NMUR1: variants seen among roughly 807,000 people sequenced by gnomAD.
NMUR1 encodes neuromedin-U receptor 1.
In NMUR1, 16 loss-of-function variants were observed where a neutral mutation model predicts 18.8. That is an observed-to-expected ratio of 0.85 (90% CI 0.58 to 1.29). The LOEUF is 1.29. Among genes scored for constraint, NMUR1 ranks in the 50% most tolerant of loss-of-function variants. The probability of loss-of-function intolerance (pLI) is 0.00; values close to 1 mark genes in which losing one functional copy is unlikely to be tolerated. For missense variants in NMUR1, 529 were observed against 580.3 expected (o/e 0.91, Z 0.91); for synonymous variants, 258 against 258.2 (o/e 1.00, Z 0.01).
rs1381379203 is a variant in NMUR1 at position 231,528,614 on chromosome 2, A to C, written c.407T>G (p.Phe136Cys). Residue 136 changes from phenylalanine to cysteine, a missense_variant, in exon 2 of 3, where the codon TTC (phenylalanine) becomes TGC (cysteine). Phe to Cys is a radical substitution (Grantham distance 205). Transcript: ENST00000305141. ...GACCATCTCAAACAGTAGCGTGCGG[A>C]AATAGCAGCCACCAACGCCCAGCAG... ...PFLLGVGGCYFRTLLFEMVCL... is the reference protein window; with the variant it reads ...PFLLGVGGCYCRTLLFEMVCL... The C allele has an allele frequency of 6.2e-7, 1 of 1,614,098 alleles. No homozygotes were observed. The highest frequency in any genetic ancestry group is 1.3e-5 in the African/African-American group (1 of 74,956).
Position 231,528,200 on chromosome 2 carries a change from G to A in NMUR1, c.821C>T (p.Ser274Phe), listed in dbSNP as rs749642766. The change falls in exon 2 of 3, where the codon TCT (serine) becomes TTT (phenylalanine). Residue 274 changes from serine to phenylalanine, a missense_variant. Ser to Phe is a radical substitution (Grantham distance 155). Transcript: ENST00000305141. ...GGTGTATCTGGACCTGGCTGCTGCA[G>A]AGCCCCTGCCCTTGGCCTCCTGCAT... ...LLMQEAKGRG[S>F]AAARSRYTCR... 1 of 1,608,220 alleles carries A rather than the reference G, an allele frequency of 6.2e-7. No individual in the cohort carries two copies. Among genetic ancestry groups the A allele is most frequent in the Non-Finnish European group, 8.5e-7 (1 of 1,177,292 alleles).
intron 1 of NMUR1, among the ~76,000 whole-genome samples, chr2:231,530,025 C>G (rs2047398934): frequency 6.6e-6 from 1 of 152,254 alleles, no homozygotes; most frequent in Non-Finnish European, 1.5e-5. Flanking sequence ...GGTTCCCTCT[C>G]CTCTATTGAG....
At chr2:231,521,051 G>A (rs553849894), downstream of NMUR1, among the ~76,000 whole-genome samples, 4 of 152,282 alleles carry the variant, frequency 2.6e-5, no homozygotes, top group Non-Finnish European at 5.9e-5. Flanking sequence ...GGAGAAAGCC[G>A]TCTAGAACCT....
chr2:231,524,217 G>C lies in NMUR1; in HGVS notation c.*826C>G, dbSNP rs1224743035. On this transcript the variant is annotated 3_prime_UTR_variant, in exon 3 of 3. Coordinates refer to ENST00000305141, the MANE Select transcript of NMUR1 (RefSeq NM_006056.5). Reference sequence around the variant, plus strand: ...CAAAGCATGACACTGTGGAAAGCCAGCGCCTCTTTCATTTTTCAGGCAAGG... The same window carrying C: ...CAAAGCATGACACTGTGGAAAGCCACCGCCTCTTTCATTTTTCAGGCAAGG... The C allele has an allele frequency of 1.3e-5, 2 of 152,270 alleles. No individual in the cohort carries two copies. Among genetic ancestry groups the C allele is most frequent in the Admixed American group, 1.3e-4 (2 of 15,274 alleles). 9.4% of individuals were successfully genotyped at this position (152,270 alleles called of 1,614,324 possible).
Position 231,528,389 on chromosome 2 carries a change from C to A in NMUR1, c.632G>T (p.Gly211Val), listed in dbSNP as rs769745265. ...GIRQLHVPCR[G>V]PVPDSAVCML... Reference sequence around the variant, plus strand: ...GCAAACAGCTGAGTCTGGCACTGGGCCCCGGCAGGGCACGTGCAGCTGCCG... The same window carrying A: ...GCAAACAGCTGAGTCTGGCACTGGGACCCGGCAGGGCACGTGCAGCTGCCG... Residue 211 changes from glycine to valine, a missense_variant, in exon 2 of 3, where the codon GGC becomes GTC. By Grantham distance (109) the Gly-to-Val change is moderately radical. Coordinates refer to ENST00000305141, the MANE Select transcript of NMUR1 (RefSeq NM_006056.5). 3.7e-6 allele frequency: 6 copies of A among 1,613,586 alleles called. No homozygotes were observed. The African/African-American group carries it at 4.0e-5, about 11-fold the overall frequency.
At position 231,528,869 on chromosome 2, in the gene NMUR1, T is replaced by G. The variant is rs781706402; in HGVS notation, c.152A>C (p.Tyr51Ser). Reference sequence around the variant, plus strand: ...CAGCTCTGTCTGCTGGGGCCCCAGGTACTTGAGTCTCAGTGCCTCGTCAGT... The same window carrying G: ...CAGCTCTGTCTGCTGGGGCCCCAGGGACTTGAGTCTCAGTGCCTCGTCAGT... ...NLTDEALRLK[Y>S]LGPQQTELFM... Residue 51 changes from tyrosine to serine, a missense_variant, in exon 2 of 3, where the codon TAC becomes TCC. Physicochemically the swap from Tyr to Ser is moderately radical, Grantham distance 144 (BLOSUM62 -2). Coordinates refer to ENST00000305141, the MANE Select transcript of NMUR1 (RefSeq NM_006056.5). The G allele has an allele frequency of 1.2e-6, 2 of 1,614,178 alleles. No homozygotes were observed. Among genetic ancestry groups the G allele is most frequent in the Non-Finnish European group, 1.7e-6 (2 of 1,180,030 alleles).
chr2:231,519,215 A>C (rs1258020021), downstream of NMUR1, among the ~76,000 whole-genome samples: 1 of 152,198 alleles, frequency 6.6e-6, no homozygotes, highest in Non-Finnish European at 1.5e-5. Context: ...TGGATGTTCC[A>C]TAGGATGTGG....
downstream of NMUR1, chr2:231,523,072 G>C (rs569805912): frequency 3.2e-6 from 1 of 316,264 alleles, no homozygotes; most frequent in African/African-American, 2.1e-5. Flanking sequence ...CGTGAGCTTG[G>C]ATAGAACATC....
At chr2:231,525,848 A>G (rs778758984) in intron 2 of NMUR1, among the ~76,000 whole-genome samples, 9 of 152,210 alleles carry the variant, frequency 5.9e-5, no homozygotes, top group Non-Finnish European at 1.2e-4. Flanking sequence ...AAGTACAGAA[A>G]AGAAGAATGG....
At chr2:231,520,407 C>T (rs1175828130), downstream of NMUR1, among the ~76,000 whole-genome samples, 3 of 152,200 alleles carry the variant, frequency 2.0e-5, no homozygotes, top group South Asian at 2.1e-4. Context: ...ACAGGTCCCA[C>T]GTTGGGTCAC....
Position 231,525,072 on chromosome 2 carries a change from C to A in NMUR1, c.1252G>T (p.Glu418Ter), listed in dbSNP as rs1188810540. The part of the protein sequence containing the change: ...VHPLAGNDGP[E>*]AQQETDPS ...GATGGATCGGTCTCTTGCTGCGCCT[C>A]TGGGCCATCGTTCCCAGCCAGGGGG... Residue 418 changes from glutamate to a stop codon, truncating the protein, a stop_gained, in exon 3 of 3, where the codon GAG (glutamate) becomes TAG (stop). Coordinates refer to ENST00000305141, the MANE Select transcript of NMUR1 (RefSeq NM_006056.5). LOFTEE classifies it high-confidence loss of function. 6.3e-7 allele frequency: 1 copy of A among 1,597,190 alleles called. No homozygotes were observed. Among genetic ancestry groups the A allele is most frequent in the Non-Finnish European group, 8.5e-7 (1 of 1,171,516 alleles).
chr2:231,530,252 C>G, intron 1 of NMUR1, 107 bp downstream of exon 1: 1 of 1,315,932 alleles, frequency 7.6e-7, no homozygotes, highest in Non-Finnish European at 1.0e-6. Context: ...GGACGGGGGG[C>G]ACCCCGACGG....
At position 231,528,474 on chromosome 2, in the gene NMUR1, C is replaced by T; in HGVS notation, c.547G>A (p.Gly183Arg). The stretch of plus-strand genomic sequence containing the variant: ...AGCATGGCAAGACCCCAGACGGCCC[C>T]AAGCACTCGGCGCACATGGGCCCGC... ...VTRAHVRRVL[G>R]AVWGLAMLCS... The change falls in exon 2 of 3, where the codon GGG (glycine) becomes AGG (arginine). Residue 183 changes from glycine (G) to arginine (R), a missense_variant. Transcript: ENST00000305141. 1.2e-6 allele frequency: 2 copies of T among 1,613,680 alleles called. No individual in the cohort carries two copies. Among genetic ancestry groups the T allele is most frequent in the Non-Finnish European group, 1.7e-6 (2 of 1,180,032 alleles).
chr2:231,521,730 A>G (rs142609549), downstream of NMUR1, among the ~76,000 whole-genome samples: 596 of 152,186 alleles, frequency 3.9e-3, 5 homozygotes, highest in African/African-American at 0.014. Flanking sequence ...TACTTTGAGA[A>G]GCATGGAGGC....
rs2125668480 is a variant in NMUR1 at position 231,528,562 on chromosome 2, A to G, written c.459T>C (p.Thr153=). 2 of 1,614,066 alleles carry G rather than the reference A, an allele frequency of 1.2e-6. No individual in the cohort carries two copies. Among genetic ancestry groups the G allele is most frequent in the Non-Finnish European group, 1.7e-6 (2 of 1,180,034 alleles). ...CCACATAGCGTTCCACGCTCAGGGC[A>G]GTGACGTTGAGCACTGAGGCCAGGC... The part of the protein sequence containing the change: ...MVCLASVLNV[T]ALSVERYVAV... Residue 153 remains threonine (T), a synonymous_variant, in exon 2 of 3, where the codon ACT becomes ACC. Coordinates refer to ENST00000305141, the MANE Select transcript of NMUR1 (RefSeq NM_006056.5).
rs532528559 is a variant in NMUR1 at position 231,525,186 on chromosome 2, G to A, written c.1138C>T (p.Leu380Phe). The A allele has an allele frequency of 6.2e-7, 1 of 1,614,158 alleles. No individual in the cohort carries two copies. Among genetic ancestry groups the A allele is most frequent in the South Asian group, 1.1e-5 (1 of 91,082 alleles). ...CTGTGGGAGCTGTGGCGGGGTCTGA[G>A]GCGATGGCAGCAGGCCCCGAGGCAC... ...ALCLGACCHR[L>F]RPRHSSHSLS... Residue 380 changes from leucine to phenylalanine, a missense_variant, in exon 3 of 3, where the codon CTC becomes TTC. Leu to Phe is a conservative substitution (Grantham distance 22, BLOSUM62 0). Transcript: ENST00000305141.
At position 231,528,836 on chromosome 2, in the gene NMUR1, G is replaced by A. The variant is rs570162665; in HGVS notation, c.185C>T (p.Pro62Leu). 8.1e-6 allele frequency: 13 copies of A among 1,614,222 alleles called. 1 individual carries two copies. In the South Asian group the frequency reaches 1.4e-4, roughly 18 times the overall value. Reference sequence around the variant, plus strand: ...GATCAGCAGGTATGTGGCACAGATGGGCATGAACAGCTCTGTCTGCTGGGG... The same window carrying A: ...GATCAGCAGGTATGTGGCACAGATGAGCATGAACAGCTCTGTCTGCTGGGG... ...LGPQQTELFM[P>L]ICATYLLIFV... is the part of the protein sequence containing the mutation. Residue 62 changes from proline (P) to leucine (L), a missense_variant, in exon 2 of 3, where the codon CCC becomes CTC. Transcript: ENST00000305141.
chr2:231,529,013 G>C lies in NMUR1; in HGVS notation c.8C>G (p.Pro3Arg), dbSNP rs760642375. 3 of 1,601,636 alleles carry C rather than the reference G, an allele frequency of 1.9e-6. No homozygotes were observed. In the South Asian group the frequency reaches 3.3e-5, roughly 18 times the overall value. ...GAGGACAGAGCAATTGAGGCAGAGA[G>C]GAGTCTGTGGAACAGAGGGGAGAGA... MT[P>R]LCLNCSVLPG... Residue 3 changes from proline (P) to arginine (R), a missense_variant, in exon 2 of 3, where the codon CCT (proline) becomes CGT (arginine). Transcript: ENST00000305141.
chr2:231,524,900 A>T lies in NMUR1; in HGVS notation c.*143T>A. Reference sequence around the variant, plus strand: ...TCCCTCCTCCTGCTGTTTCCCTCTGAGGGAAACTGAGGTGCTGGTCAGAAT... The same window carrying T: ...TCCCTCCTCCTGCTGTTTCCCTCTGTGGGAAACTGAGGTGCTGGTCAGAAT... On this transcript the variant is annotated 3_prime_UTR_variant, in exon 3 of 3. Coordinates refer to ENST00000305141, the MANE Select transcript of NMUR1 (RefSeq NM_006056.5). 1 of 1,092,164 alleles carries T rather than the reference A, an allele frequency of 9.2e-7. No individual in the cohort carries two copies. 67.7% of individuals were successfully genotyped at this position (1,092,164 alleles called of 1,614,324 possible). A position where few individuals can be genotyped will look rare whatever the true frequency, so the allele number is the denominator to read the frequency against.
Sources: allele counts gnomAD v4.1 joint callset (sites outside exome capture counted in the v4.1 genomes callset), GRCh38; gene constraint gnomAD v4.1.1; transcripts MANE v1.5; gene names NCBI Gene and HGNC (gene_info 2026-07-23, HGNC 2026-07-21).